HCK: variants seen among roughly 807,000 people sequenced by gnomAD.
HCK encodes the protein HCK proto-oncogene, Src family tyrosine kinase.
HCK carries 40 observed loss-of-function variants against 70.4 expected under a neutral mutation model. That is an observed-to-expected ratio of 0.57 (90% confidence interval 0.44 to 0.74). The LOEUF (loss-of-function observed/expected upper bound fraction) is 0.74, where lower values mean the gene tolerates loss of function less well. HCK is among the 30% of genes least tolerant of loss of function. HCK has a pLI of 0.00. For missense variants in HCK, 568 were observed against 697.2 expected, an observed-to-expected ratio of 0.81 and a Z score of 2.09; for synonymous variants, 245 against 263.2, an observed-to-expected ratio of 0.93 and a Z score of 0.67.
intron 10 of HCK, among the ~76,000 whole-genome samples, chr20:32,089,215 T>C (rs927951192): frequency 2.6e-5 from 4 of 152,250 alleles, no homozygotes; most frequent in East Asian, 3.8e-4. Context: ...CCAAGTCACA[T>C]AGCCATGCCC....
intron 1 of HCK, among the ~76,000 whole-genome samples, chr20:32,058,288 T>C (rs2045304283): frequency 6.6e-6 from 1 of 151,860 alleles, no homozygotes; most frequent in South Asian, 2.1e-4. Context: ...TCCCAGCACT[T>C]TGGGAGGACA....
In HCK at chr20:32,099,114, T is replaced by C. The variant is rs933820962; in HGVS notation, c.1357T>C (p.Tyr453His). Reference sequence around the variant, plus strand: ...TATCCTGCTGATGGAGATCGTCACCTACGGCCGGATCCCTTACCCAGGTAG... The same window carrying C: ...TATCCTGCTGATGGAGATCGTCACCCACGGCCGGATCCCTTACCCAGGTAG... Residue 453 changes from tyrosine to histidine, a missense_variant, in exon 12 of 13, where the codon TAC becomes CAC. Tyr to His is a moderately conservative substitution (Grantham distance 83). Transcript: ENST00000375852. 6.2e-7 allele frequency: 1 copy of C among 1,614,028 alleles called. No homozygotes were observed. The highest frequency in any genetic ancestry group is 1.3e-5 in the African/African-American group (1 of 74,916).
At position 32,077,511 on chromosome 20, in the gene HCK, CTGTTTTGTTT is replaced by C. The variant is rs66527980; in HGVS notation, c.429-2241_429-2232del. Among the ~76,000 whole-genome samples, 49 of 150,928 alleles carry C rather than the reference CTGTTTTGTTT, an allele frequency of 3.2e-4. No individual in the cohort carries two copies. In the East Asian group the frequency reaches 8.6e-3, roughly 27 times the overall value. Reference sequence around the variant, plus strand: ...AGACCTTCCATGCAGCACCTTGTTCCTGTTTTGTTTTGTTTTGTTTTGTTTTGTTTTTTAG... The same window carrying C: ...AGACCTTCCATGCAGCACCTTGTTCCTGTTTTGTTTTGTTTTGTTTTTTAG... On this transcript the variant is annotated intron_variant, in intron 5 of 12. Transcript: ENST00000375852.
At position 32,052,308 on chromosome 20, in the gene HCK, C is replaced by T; in HGVS notation, c.-117C>T. 1.5e-6 allele frequency: 1 copy of T among 663,764 alleles called. No individual in the cohort carries two copies. The highest frequency in any genetic ancestry group is 2.2e-6 in the Non-Finnish European group (1 of 452,334). 41.1% of individuals were successfully genotyped at this position (663,764 alleles called of 1,614,324 possible). On this transcript the variant is annotated 5_prime_UTR_variant, in exon 1 of 13. Transcript: ENST00000375852. Reference sequence around the variant, plus strand: ...AGAGGCGAGTGGGAAGGGACTCAGACAGTGCAGGACGAGAAACGCCCGCGG... The same window carrying T: ...AGAGGCGAGTGGGAAGGGACTCAGATAGTGCAGGACGAGAAACGCCCGCGG...
chr20:32,073,035 G>C (rs1048128459), intron 2 of HCK, among the ~76,000 whole-genome samples: 2 of 152,226 alleles, frequency 1.3e-5, no homozygotes, highest in African/African-American at 2.4e-5. Context: ...GAGAGGTGGA[G>C]GTTTCGGTGA....
intron 11 of HCK, among the ~76,000 whole-genome samples, chr20:32,096,348 T>C (rs1479480177): frequency 2.0e-5 from 3 of 151,526 alleles, no homozygotes; most frequent in African/African-American, 7.3e-5. Flanking sequence ...GATACAAAAA[T>C]TAGCTGGGCG....
intron 10 of HCK, among the ~76,000 whole-genome samples, chr20:32,092,091 T>C (rs759846487): frequency 4.6e-5 from 7 of 152,124 alleles, no homozygotes; most frequent in Non-Finnish European, 1.0e-4. Context: ...CCCACTTGCC[T>C]CAGACCTTGA....
At chr20:32,099,362 T>TTTTTTTTTTTTTTG (rs2046001782) in intron 12 of HCK, among the ~76,000 whole-genome samples, 1 of 141,810 alleles carries the variant, frequency 7.1e-6, no homozygotes, top group African/African-American at 2.7e-5. Context: ...TTTTTTTTTT[T>TTTTTTTTTTTTTTG]TTTTTTTTTT....
chr20:32,096,754 A>G (rs1038090628), intron 11 of HCK, among the ~76,000 whole-genome samples: 3 of 152,016 alleles, frequency 2.0e-5, no homozygotes, highest in African/African-American at 7.2e-5. Flanking sequence ...CTCCTGCCTC[A>G]GGCTCTGAAA....
chr20:32,083,802 C>A (rs2122574731), intron 6 of HCK, 92 bp from the exon 7 acceptor site: 2 of 1,469,976 alleles, frequency 1.4e-6, no homozygotes, highest in African/African-American at 1.4e-5. Context: ...CAGGACGGTG[C>A]CAGCGGTAGC....
intron 6 of HCK, among the ~76,000 whole-genome samples, chr20:32,081,742 A>G (rs2122567535): frequency 6.6e-6 from 1 of 152,366 alleles, no homozygotes; most frequent in South Asian, 2.1e-4. Context: ...GGAGATAAAA[A>G]GACAAAGCTG....
At chr20:32,071,623 C>T (rs1050847831) in intron 1 of HCK, 39 bp from the exon 2 acceptor site, 4 of 1,606,958 alleles carry the variant, frequency 2.5e-6, no homozygotes, top group Non-Finnish European at 3.4e-6. Flanking sequence ...GCATGAGGCT[C>T]TTGGTAACTG....
intron 1 of HCK, chr20:32,069,646 A>T (rs934147666): frequency 2.1e-6 from 1 of 469,468 alleles, no homozygotes; most frequent in African/African-American, 2.0e-5. Flanking sequence ...ATGATCCAGC[A>T]CTCCAAGAGT....
chr20:32,078,103 C>T (rs1013109209), intron 5 of HCK, among the ~76,000 whole-genome samples: 3 of 151,658 alleles, frequency 2.0e-5, no homozygotes, highest in Admixed American at 2.0e-4. Context: ...GGCGTGATCT[C>T]GGCTCACTGC....
intron 2 of HCK, chr20:32,072,154 T>C (rs994935476): frequency 7.0e-5 from 15 of 215,360 alleles, no homozygotes; most frequent in South Asian, 2.2e-4. Context: ...ATTGCAAAAA[T>C]ACAGTAACAA....
At chr20:32,094,799 A>AGGAAAGAAAGAAAGAGAGAGAAAG (rs1569010639) in intron 11 of HCK, among the ~76,000 whole-genome samples, 9 of 36,582 alleles carry the variant, frequency 2.5e-4, no homozygotes, top group Admixed American at 6.4e-4. Context: ...GAAAGAAAGA[A>AGGAAAGAAAGAAAGAGAGAGAAAG]AGAAAGAAAG....
At chr20:32,082,486 A>G (rs1257409048) in intron 6 of HCK, among the ~76,000 whole-genome samples, 1 of 152,048 alleles carries the variant, frequency 6.6e-6, no homozygotes, top group African/African-American at 2.4e-5. Context: ...TACTAAAAAT[A>G]CAAAAATTAG....
At chr20:32,079,470 G>C (rs1286622975) in intron 5 of HCK, among the ~76,000 whole-genome samples, 2 of 152,130 alleles carry the variant, frequency 1.3e-5, no homozygotes, top group Non-Finnish European at 2.9e-5. Flanking sequence ...TGACCTATCA[G>C]CTTTTTGCAC....
chr20:32,079,719 C>A, intron 5 of HCK, 55 bp from the exon 6 acceptor site: 1 of 1,236,288 alleles, frequency 8.1e-7, no homozygotes, highest in South Asian at 1.2e-5. Context: ...CCTGTGTAGG[C>A]CGGACAGGAC....
Sources: gnomAD v4.1 joint callset for allele counts (sites outside exome capture counted in the v4.1 genomes callset) on GRCh38, gnomAD v4.1.1 for gene constraint, MANE v1.5 for transcripts, NCBI Gene and HGNC (gene_info 2026-07-23, HGNC 2026-07-21) for gene names.